The following STPG4 variants were observed in gnomAD, a reference collection of about 807,000 sequenced individuals.
STPG4 encodes the protein protein STPG4.
STPG4 carries 41 observed loss-of-function variants against 31.5 expected under a neutral mutation model. The ratio of observed to expected loss-of-function variants is 1.30; its 90% CI spans 1.01 to 1.69. The LOEUF (loss-of-function observed/expected upper bound fraction) is 1.69. Among genes scored for constraint, STPG4 ranks in the 40% most tolerant of loss-of-function variants. STPG4 has a pLI of 0.00. For synonymous variants in STPG4, 141 were observed against 103.0 expected, an observed-to-expected ratio of 1.37 and a Z score of -2.24; for missense variants, 375 against 293.4, an observed-to-expected ratio of 1.28 and a Z score of -2.03.
intron 5 of STPG4, among the ~76,000 whole-genome samples, chr2:47,118,134 C>G (rs1273664362): frequency 6.6e-6 from 1 of 152,036 alleles, no homozygotes. Flanking sequence ...AACCCCCAGG[C>G]TTCATAGGAG....
intron 5 of STPG4, among the ~76,000 whole-genome samples, chr2:47,091,022 TA>T (rs1384471325): frequency 6.6e-6 from 1 of 151,872 alleles, no homozygotes; most frequent in African/African-American, 2.4e-5. Context: ...CATTCTAATT[TA>T]AAAAACAAAC....
At chr2:47,130,340 A>C in intron 3 of STPG4, 80 bp from the exon 4 acceptor site, 2 of 1,130,070 alleles carry the variant, frequency 1.8e-6, no homozygotes, top group Non-Finnish European at 2.7e-6. Context: ...GTAATCTTTT[A>C]TTTTATGACC....
chr2:47,145,207 C>T (rs35904857), intron 3 of STPG4, among the ~76,000 whole-genome samples: 62,103 of 151,966 alleles, frequency 0.41, 13,495 homozygotes, highest in East Asian at 0.71. Context: ...AACTTCAGAG[C>T]CCTGGAAGAA....
intron 6 of STPG4, 97 bp downstream of exon 6, chr2:47,090,173 C>A (rs981451183): frequency 2.5e-6 from 2 of 784,850 alleles, no homozygotes; most frequent in African/African-American, 1.7e-5. Flanking sequence ...CCCATCTCAC[C>A]ACCACCCCGC....
chr2:47,153,010 C>T lies in STPG4; in HGVS notation c.88G>A (p.Ala30Thr), dbSNP rs1686967504. 1 of 1,610,138 alleles carries T rather than the reference C, an allele frequency of 6.2e-7. No homozygotes were observed. The highest frequency in any genetic ancestry group is 1.3e-5 in the African/African-American group (1 of 74,800). The change falls in exon 2 of 7, where the codon GCC becomes ACC. Residue 30 changes from alanine to threonine, a missense_variant. Physicochemically the swap from Ala to Thr is moderately conservative, Grantham distance 58. Coordinates refer to ENST00000445927, the MANE Select transcript of STPG4 (RefSeq NM_001163561.2). ...GESFITASKP[A>T]QKTSSFEREG... The stretch of plus-strand genomic sequence containing the variant: ...CTTTCAAAAGAGGAAGTCTTTTGGG[C>T]TGGTTTCTGTTAACAAACACAAAGT...
intron 5 of STPG4, among the ~76,000 whole-genome samples, chr2:47,124,627 A>C (rs1686331147): frequency 6.6e-6 from 1 of 152,184 alleles, no homozygotes; most frequent in South Asian, 2.1e-4. Context: ...ATGGCTGTGT[A>C]GTACTTTGTT....
intron 5 of STPG4, among the ~76,000 whole-genome samples, chr2:47,103,249 G>A (rs1685836313): frequency 6.6e-6 from 1 of 151,906 alleles, no homozygotes; most frequent in African/African-American, 2.4e-5. Context: ...AGGGAAAGGA[G>A]GAAAATCCTT....
At chr2:47,118,241 G>C (rs1214663999) in intron 5 of STPG4, among the ~76,000 whole-genome samples, 1 of 152,134 alleles carries the variant, frequency 6.6e-6, no homozygotes, top group East Asian at 1.9e-4. Flanking sequence ...GCTCCTATCA[G>C]ATCAGCGGCA....
chr2:47,095,048 G>A (rs1163188659), intron 5 of STPG4, among the ~76,000 whole-genome samples: 2 of 152,198 alleles, frequency 1.3e-5, no homozygotes, highest in African/African-American at 4.8e-5. Flanking sequence ...TAGAGAACGT[G>A]AGAGTAGATG....
At position 47,090,290 on chromosome 2, in the gene STPG4, G is replaced by C. The variant is rs765516152; in HGVS notation, c.604C>G (p.Arg202Gly). 10 of 1,551,306 alleles carry C rather than the reference G, an allele frequency of 6.4e-6. No homozygotes were observed. Among genetic ancestry groups the C allele is most frequent in the Non-Finnish European group, 8.7e-6 (10 of 1,146,572 alleles). ...VTSCFQSRVPRFLPSCSKTPG... is the reference protein window; with the variant it reads ...VTSCFQSRVPGFLPSCSKTPG... ...CTTACTGAACAGCTGGGCAAGAATC[G>C]AGGGACTCTGGATTGAAAACAAGAA... The change falls in exon 6 of 7, where the codon CGA becomes GGA. Residue 202 changes from arginine (R) to glycine (G), a missense_variant. Physicochemically the swap from Arg to Gly is moderately radical, Grantham distance 125 (BLOSUM62 -2). Transcript: ENST00000445927.
In STPG4 at chr2:47,146,519, A is replaced by C. The variant is rs1250687234; in HGVS notation, c.399+4739T>G. ...GGCAGGAGGACCACTTGAGCCCAGG[A>C]GTTTGAGACCAGCCTGGGCAACATA... is the stretch of plus-strand genomic sequence containing the variant. On this transcript the variant is annotated intron_variant, in intron 3 of 6. Coordinates refer to ENST00000445927, the MANE Select transcript of STPG4 (RefSeq NM_001163561.2). Among the ~76,000 whole-genome samples, 4 of 149,406 alleles carry C rather than the reference A, an allele frequency of 2.7e-5. No individual in the cohort carries two copies. The East Asian group carries it at 8.1e-4, about 30-fold the overall frequency.
intron 5 of STPG4, among the ~76,000 whole-genome samples, chr2:47,124,971 G>A (rs377290511): frequency 1.3e-5 from 2 of 152,104 alleles, no homozygotes; most frequent in Non-Finnish European, 2.9e-5. Context: ...TTTAAACTGG[G>A]ATGCAATGAT....
chr2:47,145,957 A>G (rs934470425), intron 3 of STPG4, among the ~76,000 whole-genome samples: 3 of 152,258 alleles, frequency 2.0e-5, no homozygotes, highest in Non-Finnish European at 4.4e-5. Context: ...ACACTTGAAC[A>G]AAGACTTGAA....
At chr2:47,111,359 A>G (rs1352716337) in intron 5 of STPG4, among the ~76,000 whole-genome samples, 1 of 152,242 alleles carries the variant, frequency 6.6e-6, no homozygotes, top group African/African-American at 2.4e-5. Flanking sequence ...TAATGCCCAC[A>G]TTTTGAAACA....
chr2:47,104,540 T>C (rs1248295036), intron 5 of STPG4, among the ~76,000 whole-genome samples: 2 of 152,018 alleles, frequency 1.3e-5, no homozygotes, highest in Non-Finnish European at 2.9e-5. Flanking sequence ...TGTATTCCCC[T>C]GCATTCTGAC....
chr2:47,119,981 G>A (rs189904795), intron 5 of STPG4, among the ~76,000 whole-genome samples: 1 of 152,326 alleles, frequency 6.6e-6, no homozygotes, highest in East Asian at 1.9e-4. Flanking sequence ...ACAGGTCATA[G>A]GTACATTTAA....
intron 5 of STPG4, among the ~76,000 whole-genome samples, chr2:47,103,593 G>C (rs1340978726): frequency 6.6e-6 from 1 of 151,924 alleles, no homozygotes; most frequent in Non-Finnish European, 1.5e-5. Flanking sequence ...CAATCACCTG[G>C]TAGGGCTTGT....
chr2:47,148,192 C>T (rs912246102), intron 3 of STPG4, among the ~76,000 whole-genome samples: 8 of 152,068 alleles, frequency 5.3e-5, no homozygotes, highest in African/African-American at 1.9e-4. Context: ...AGTGATCCAC[C>T]TGCCTCGGCC....
chr2:47,136,050 G>A (rs1490921154), intron 3 of STPG4, among the ~76,000 whole-genome samples: 1 of 152,160 alleles, frequency 6.6e-6, no homozygotes, highest in Non-Finnish European at 1.5e-5. Flanking sequence ...GGGATTGCAT[G>A]GAATTTAAAG....
Sources: gnomAD v4.1 joint callset for allele counts (sites outside exome capture counted in the v4.1 genomes callset) on GRCh38, gnomAD v4.1.1 for gene constraint, MANE v1.5 for transcripts, NCBI Gene and HGNC (gene_info 2026-07-23, HGNC 2026-07-21) for gene names.